TAF1B: variants seen among roughly 807,000 people sequenced by gnomAD.
The protein encoded by TAF1B is TATA-box binding protein associated factor, RNA polymerase I subunit B.
TAF1B carries 61 observed loss-of-function variants against 83.9 expected under a neutral mutation model. The observed-to-expected ratio is 0.73, with a 90% CI of 0.59 to 0.90. The LOEUF is 0.90. TAF1B is among the 40% of genes least tolerant of loss of function. The pLI, the probability that TAF1B is intolerant of heterozygous loss-of-function variation, is 0.00. For synonymous variants in TAF1B, 221 were observed against 224.6 expected (o/e 0.98, Z 0.14); for missense variants, 625 against 677.0 (o/e 0.92, Z 0.85).
At chr2:9,861,696 C>A (rs1033741153) in intron 5 of TAF1B, among the ~76,000 whole-genome samples, 1 of 152,208 alleles carries the variant, frequency 6.6e-6, no homozygotes, top group African/African-American at 2.4e-5. Flanking sequence ...AGGCACCCCC[C>A]AGTAGGGGCA....
rs1663493702 is a variant in TAF1B, at chr2:9,854,429, A to T, written c.399+8A>T. On this transcript the variant is annotated splice_region_variant and intron_variant, in intron 5 of 14. Coordinates refer to ENST00000263663, the MANE Select transcript of TAF1B (RefSeq NM_005680.3). ...ACTGGAAGGAAACCTACGGTAAGTC[A>T]CAAGTCTGAAAAGTTGGATTAAAAA... The T allele has an allele frequency of 3.7e-6, 6 of 1,605,230 alleles. No individual in the cohort carries two copies. The highest frequency in any genetic ancestry group is 5.1e-6 in the Non-Finnish European group (6 of 1,171,974).
At chr2:9,879,954 T>C (rs760814497) in intron 7 of TAF1B, among the ~76,000 whole-genome samples, 6 of 152,100 alleles carry the variant, frequency 3.9e-5, no homozygotes, top group Non-Finnish European at 8.8e-5. Flanking sequence ...CCCTGGAAGA[T>C]TGCAGCAGGA....
At chr2:9,917,049 T>C (rs1474037329) in intron 12 of TAF1B, among the ~76,000 whole-genome samples, 1 of 152,118 alleles carries the variant, frequency 6.6e-6, no homozygotes, top group Non-Finnish European at 1.5e-5. Flanking sequence ...TTTCTCCATG[T>C]TGGTCAGGCT....
chr2:9,921,983 A>G (rs1412178592), intron 14 of TAF1B, among the ~76,000 whole-genome samples: 2 of 152,238 alleles, frequency 1.3e-5, no homozygotes, highest in African/African-American at 4.8e-5. Context: ...GTTCTCAGTA[A>G]TTAACGTGTG....
chr2:9,846,172 T>C (rs562682850), intron 2 of TAF1B: 39 of 465,702 alleles, frequency 8.4e-5, no homozygotes, highest in African/African-American at 7.6e-4. Context: ...GTTACCCAAG[T>C]ACCAGGACTT....
chr2:9,849,435 G>A lies in TAF1B; in HGVS notation c.180G>A (p.Arg60=), dbSNP rs1663312503. Residue 60 remains arginine (R), a synonymous_variant, in exon 3 of 15, where the codon CGG becomes CGA. Transcript: ENST00000263663. ...IPNTQIKALN[R]GLKKKNNTEK... The stretch of plus-strand genomic sequence containing the variant: ...ATACCCAAATAAAAGCCCTCAACCG[G>A]GGGCTTAAAAAAAAAAACAATACTG... 1.3e-6 allele frequency: 2 copies of A among 1,578,446 alleles called. No individual in the cohort carries two copies. Among genetic ancestry groups the A allele is most frequent in the East Asian group, 2.3e-5 (1 of 44,326 alleles).
At chr2:9,872,708 C>T (rs1209987399) in intron 6 of TAF1B, among the ~76,000 whole-genome samples, 1 of 152,110 alleles carries the variant, frequency 6.6e-6, no homozygotes, top group African/African-American at 2.4e-5. Flanking sequence ...AACTGGAAGT[C>T]CTTACATATT....
intron 5 of TAF1B, among the ~76,000 whole-genome samples, chr2:9,866,338 C>T (rs1223379955): frequency 1.3e-5 from 2 of 152,150 alleles, no homozygotes; most frequent in African/African-American, 4.8e-5. Flanking sequence ...TGAAAAAATG[C>T]TCATCATCAC....
Position 9,868,415 on chromosome 2 carries a change from A to G in TAF1B, c.539A>G (p.Lys180Arg), listed in dbSNP as rs756065462. ...ACTCGAAAACCTTTCCCCGTCAGCA[A>G]AGCATCACAATCAGGTAAAAATGAG... is the stretch of plus-strand genomic sequence containing the variant. ...IHTRKPFPVS[K>R]ASQSETSVCS... The change falls in exon 6 of 15, where the codon AAA becomes AGA. Residue 180 changes from lysine to arginine, a missense_variant. Coordinates refer to ENST00000263663, the MANE Select transcript of TAF1B (RefSeq NM_005680.3). The G allele has an allele frequency of 3.1e-6, 5 of 1,612,196 alleles. No individual in the cohort carries two copies. In the East Asian group the frequency reaches 8.9e-5, roughly 29 times the overall value.
At chr2:9,843,720 C>A in intron 1 of TAF1B, 161 bp downstream of exon 1, 1 of 718,906 alleles carries the variant, frequency 1.4e-6, no homozygotes, top group East Asian at 3.4e-5. Flanking sequence ...TGGGGCTGGC[C>A]GGCCGCATGC....
At chr2:9,870,915 T>A (rs1259875423) in intron 6 of TAF1B, among the ~76,000 whole-genome samples, 1 of 152,248 alleles carries the variant, frequency 6.6e-6, no homozygotes, top group Non-Finnish European at 1.5e-5. Context: ...CATAATTTAT[T>A]ACTAATGTAT....
Position 9,934,149 on chromosome 2 carries a change from A to AAGC in TAF1B, c.*168_*170dup. The AAGC allele has an allele frequency of 1.7e-6, 1 of 578,280 alleles. No homozygotes were observed. Among genetic ancestry groups the AAGC allele is most frequent in the Admixed American group, 3.3e-5 (1 of 30,282 alleles). 35.8% of individuals were successfully genotyped at this position (578,280 alleles called of 1,614,324 possible). A position where few individuals can be genotyped will look rare whatever the true frequency, so the allele number is the denominator to read the frequency against. ...TGTGCTTAGAAAAATGTATATTGTA[A>AAGC]AGCAGGTGAGCTTCATTTGATTTTA... On this transcript the variant is annotated 3_prime_UTR_variant, in exon 15 of 15. Coordinates refer to ENST00000263663, the MANE Select transcript of TAF1B (RefSeq NM_005680.3).
At chr2:9,905,658 T>C (rs952084909) in intron 9 of TAF1B, among the ~76,000 whole-genome samples, 47 of 152,148 alleles carry the variant, frequency 3.1e-4, no homozygotes, top group African/African-American at 1.1e-3. Context: ...TTTGGACTTA[T>C]ATTCTTAAGA....
At chr2:9,854,180 T>A in intron 4 of TAF1B, 146 bp from the exon 5 acceptor site, 3 of 602,524 alleles carry the variant, frequency 5.0e-6, no homozygotes, top group Non-Finnish European at 8.9e-6. Flanking sequence ...GATTTTGTTC[T>A]CAACTTGTGA....
At chr2:9,872,585 C>G (rs1453823016) in intron 6 of TAF1B, among the ~76,000 whole-genome samples, 2 of 152,070 alleles carry the variant, frequency 1.3e-5, no homozygotes, top group Admixed American at 6.5e-5. Context: ...TTTTATTGTT[C>G]TTGTCACCTT....
intron 4 of TAF1B, chr2:9,852,023 A>G (rs527331489): frequency 2.7e-5 from 13 of 473,898 alleles, no homozygotes; most frequent in Non-Finnish European, 5.2e-5. Context: ...GTGTATGTAC[A>G]TAACGTCCAT....
rs1427086400 is a variant in TAF1B, at chr2:9,864,958, C to T, written c.400-3318C>T. ...CACATCTCAAAATAATAAGAGCTAT[C>T]TATGACAAGCCCACAGCCAATATCA... On this transcript the variant is annotated intron_variant, in intron 5 of 14. Transcript: ENST00000263663. Among the ~76,000 whole-genome samples the T allele has an allele frequency of 2.6e-5, 4 of 152,148 alleles. No homozygotes were observed. In the East Asian group the frequency reaches 7.7e-4, roughly 29 times the overall value.
intron 14 of TAF1B, among the ~76,000 whole-genome samples, chr2:9,927,737 G>A (rs1374703201): frequency 6.6e-6 from 1 of 151,898 alleles, no homozygotes; most frequent in Non-Finnish European, 1.5e-5. Flanking sequence ...TTGTAAATTT[G>A]TTTAAGTTCT....
At chr2:9,928,651 C>T (rs1420037657) in intron 14 of TAF1B, among the ~76,000 whole-genome samples, 2 of 150,962 alleles carry the variant, frequency 1.3e-5, no homozygotes, top group African/African-American at 2.5e-5. Context: ...CATGATTTAG[C>T]TCTCTGTTTG....
Sources: gnomAD v4.1 joint callset for allele counts (sites outside exome capture counted in the v4.1 genomes callset) on GRCh38, gnomAD v4.1.1 for gene constraint, MANE v1.5 for transcripts, NCBI Gene and HGNC (gene_info 2026-07-23, HGNC 2026-07-21) for gene names.